The following NPR3 variants were observed in gnomAD, a reference collection of about 807,000 sequenced individuals.
NPR3 encodes the protein atrial natriuretic peptide receptor 3.
Under a neutral mutation model 54.5 loss-of-function variants are expected in NPR3, and 34 were observed. The observed-to-expected ratio is 0.62, with a 90% CI of 0.47 to 0.83. The LOEUF is 0.83. Among genes scored for constraint, NPR3 ranks in the 40% least tolerant of loss-of-function variants. The probability of loss-of-function intolerance (pLI) is 0.00; values close to 1 mark genes in which losing one functional copy is unlikely to be tolerated. For synonymous variants in NPR3, 289 were observed against 297.1 expected (o/e 0.97, Z 0.28); for missense variants, 674 against 720.8 (o/e 0.94, Z 0.74).
At chr5:32,699,951 A>G (rs767914849) in intron 1 of NPR3, among the ~76,000 whole-genome samples, 7 of 152,224 alleles carry the variant, frequency 4.6e-5, no homozygotes, top group Non-Finnish European at 1.0e-4. Context: ...TGTTTGAAGA[A>G]TATTTTCACC....
At chr5:32,755,912 G>C (rs1740813843) in intron 3 of NPR3, among the ~76,000 whole-genome samples, 1 of 152,148 alleles carries the variant, frequency 6.6e-6, no homozygotes, top group Admixed American at 6.5e-5. Flanking sequence ...CTTCATCCAT[G>C]TCCCTACAAA....
upstream of NPR3, chr5:32,710,563 C>T (rs750198866): frequency 7.5e-7 from 1 of 1,340,364 alleles, no homozygotes; most frequent in Non-Finnish European, 9.7e-7. Flanking sequence ...GCTGCGATTC[C>T]AGCGCAAACC....
intron 3 of NPR3, among the ~76,000 whole-genome samples, chr5:32,773,540 A>G (rs1741880233): frequency 6.6e-6 from 1 of 152,120 alleles, no homozygotes; most frequent in Non-Finnish European, 1.5e-5. Flanking sequence ...ACTTCCCAAA[A>G]TACACCAGGC....
intron 3 of NPR3, 70 bp downstream of exon 3, chr5:32,739,100 C>G: frequency 6.8e-7 from 1 of 1,477,174 alleles, no homozygotes; most frequent in Admixed American, 1.8e-5. Flanking sequence ...TCAGAGATGA[C>G]AGAGTGTCCC....
At chr5:32,744,319 C>A (rs1159238880) in intron 3 of NPR3, among the ~76,000 whole-genome samples, 1 of 152,144 alleles carries the variant, frequency 6.6e-6, no homozygotes, top group Admixed American at 6.5e-5. Flanking sequence ...GGCTCAGTGA[C>A]CACCACTGGA....
chr5:32,701,190 A>T (rs1009533401), intron 1 of NPR3, among the ~76,000 whole-genome samples: 3 of 151,574 alleles, frequency 2.0e-5, no homozygotes, highest in African/African-American at 4.9e-5. Context: ...CTGTTTTTTT[A>T]TTATTATTTT....
At chr5:32,785,502 A>T (rs1236947813) in intron 7 of NPR3, among the ~76,000 whole-genome samples, 1 of 152,148 alleles carries the variant, frequency 6.6e-6, no homozygotes, top group East Asian at 1.9e-4. Flanking sequence ...CAAGTGAAGC[A>T]GTGGGGAGGG....
At chr5:32,752,379 T>C (rs1740624897) in intron 3 of NPR3, among the ~76,000 whole-genome samples, 2 of 152,184 alleles carry the variant, frequency 1.3e-5, no homozygotes, top group South Asian at 2.1e-4. Flanking sequence ...CCTTGTACAA[T>C]ATCATTTAAT....
Position 32,732,247 on chromosome 5 carries a change from C to CAAA in NPR3, c.893-6588_893-6586dup, listed in dbSNP as rs34564234. On this transcript the variant is annotated intron_variant, in intron 2 of 7. Transcript: ENST00000265074. ...TGGGCGACAGAGCGAGACTCCGTCT[C>CAAA]AAAAAAAAAAAAAAAAAAAAAAAAA... Among the ~76,000 whole-genome samples, 73 of 32,980 alleles carry CAAA rather than the reference C, an allele frequency of 2.2e-3. 3 individuals carry two copies. The highest frequency in any genetic ancestry group is 0.015 in the East Asian group (15 of 974). 21.6% of individuals were successfully genotyped at this position (32,980 alleles called of 152,430 possible). A position where few individuals can be genotyped will look rare whatever the true frequency, so the allele number is the denominator to read the frequency against.
chr5:32,728,926 A>G (rs1190899280), intron 2 of NPR3, among the ~76,000 whole-genome samples: 1 of 142,280 alleles, frequency 7.0e-6, no homozygotes, highest in African/African-American at 2.6e-5. Context: ...CATGAAATCC[A>G]TTTATGTTCC....
At position 32,760,743 on chromosome 5, in the gene NPR3, C is replaced by A. The variant is rs569218827; in HGVS notation, c.1060-13965C>A. Among the ~76,000 whole-genome samples, 9 of 148,790 alleles carry A rather than the reference C, an allele frequency of 6.0e-5. No homozygotes were observed. In the East Asian group the frequency reaches 1.7e-3, roughly 28 times the overall value. ...TTTTGGTATCATCTTTAATAAAAATCTGCCAACCCTAAAGTCACAAAGATA... is the reference window on the plus strand; with the variant it reads ...TTTTGGTATCATCTTTAATAAAAATATGCCAACCCTAAAGTCACAAAGATA... On this transcript the variant is annotated intron_variant, in intron 3 of 7. Transcript: ENST00000265074.
At chr5:32,716,389 G>A (rs779727519) in intron 1 of NPR3, 35 of 441,056 alleles carry the variant, frequency 7.9e-5, no homozygotes, top group South Asian at 5.3e-4. Flanking sequence ...TTCAGTTTTA[G>A]GTCTTATCTG....
At chr5:32,742,480 T>G (rs964594215) in intron 3 of NPR3, among the ~76,000 whole-genome samples, 1 of 152,052 alleles carries the variant, frequency 6.6e-6, no homozygotes, top group Non-Finnish European at 1.5e-5. Flanking sequence ...AATAAGGTAA[T>G]TTTTTAAAAA....
At chr5:32,704,747 G>T (rs1451599812), upstream of NPR3, among the ~76,000 whole-genome samples, 2 of 152,160 alleles carry the variant, frequency 1.3e-5, no homozygotes, top group African/African-American at 2.4e-5. Flanking sequence ...AGACCCAATG[G>T]CTCTGCAACA....
chr5:32,745,782 T>A (rs1042376694), intron 3 of NPR3, among the ~76,000 whole-genome samples: 4 of 152,202 alleles, frequency 2.6e-5, no homozygotes, highest in Non-Finnish European at 5.9e-5. Flanking sequence ...GGACTTCATC[T>A]CCTCTTCATC....
chr5:32,710,667 A>G (rs1270372775), upstream of NPR3: 2 of 1,514,844 alleles, frequency 1.3e-6, no homozygotes, highest in Non-Finnish European at 8.9e-7. Context: ...TCCGCGATGG[A>G]GCCATCTGCA....
chr5:32,758,886 TGTTCA>T (rs1443426671), intron 3 of NPR3, among the ~76,000 whole-genome samples: 2 of 152,346 alleles, frequency 1.3e-5, no homozygotes, highest in African/African-American at 4.8e-5. Flanking sequence ...AGGAGCAGGT[TGTTCA>T]GTTTCCATGT....
intron 1 of NPR3, among the ~76,000 whole-genome samples, chr5:32,702,954 C>T (rs983178191): frequency 3.3e-5 from 5 of 152,192 alleles, no homozygotes; most frequent in Admixed American, 6.5e-5. Flanking sequence ...GATTGCCATT[C>T]TAACTGGTGT....
intron 1 of NPR3, among the ~76,000 whole-genome samples, chr5:32,715,766 A>G (rs917150670): frequency 1.3e-5 from 2 of 152,210 alleles, no homozygotes; most frequent in Non-Finnish European, 2.9e-5. Context: ...TGCACTTTAT[A>G]TGATGCAGAA....
Sources: gnomAD v4.1 joint callset for allele counts (sites outside exome capture counted in the v4.1 genomes callset) on GRCh38, gnomAD v4.1.1 for gene constraint, MANE v1.5 for transcripts, NCBI Gene and HGNC (gene_info 2026-07-23, HGNC 2026-07-21) for gene names.